Variants in LARP1 observed in about 807,000 individuals in gnomAD.
LARP1 encodes the protein La ribonucleoprotein 1, translational regulator.
In LARP1, 36 loss-of-function variants were observed where a neutral mutation model predicts 122.7. That is an observed-to-expected ratio of 0.29 (90% CI 0.22 to 0.39). The LOEUF (loss-of-function observed/expected upper bound fraction) is 0.39, where lower values mean the gene tolerates loss of function less well. Ranked by LOEUF, LARP1 falls within the 10% of genes least tolerant of loss-of-function variation. LARP1 has a pLI of 1.00. For synonymous variants in LARP1, 539 were observed against 528.7 expected (o/e 1.02, Z -0.27); for missense variants, 1,040 against 1,403.6 (o/e 0.74, Z 4.14).
At chr5:154,771,492 G>A (rs895499152) in intron 1 of LARP1, among the ~76,000 whole-genome samples, 1 of 152,200 alleles carries the variant, frequency 6.6e-6, no homozygotes, top group Non-Finnish European at 1.5e-5. Flanking sequence ...TTGAGCCCAT[G>A]GCAGACTGAC....
Position 154,792,781 on chromosome 5 carries a change from G to A in LARP1, c.724G>A (p.Gly242Arg), listed in dbSNP as rs1757443376. Residue 242 changes from glycine to arginine, a missense_variant, in exon 4 of 19, where the codon GGG (glycine) becomes AGG (arginine). By Grantham distance (125) the Gly-to-Arg change is moderately radical. Transcript: ENST00000518297. Reference sequence around the variant, plus strand: ...TGGAGATGAGGATTGCCAGCGAGGCGGGCAGAAGAAGAAAGGTGAGTGACT... The same window carrying A: ...TGGAGATGAGGATTGCCAGCGAGGCAGGCAGAAGAAGAAAGGTGAGTGACT... ...KNGDEDCQRG[G>R]QKKKGNKHKW... The A allele has an allele frequency of 2.5e-6, 4 of 1,614,004 alleles. No individual in the cohort carries two copies. The highest frequency in any genetic ancestry group is 2.2e-5 in the East Asian group (1 of 44,874).
intron 1 of LARP1, among the ~76,000 whole-genome samples, chr5:154,714,251 C>T (rs529974376): frequency 2.6e-5 from 4 of 152,206 alleles, no homozygotes; most frequent in South Asian, 4.1e-4. Context: ...TTGTAAAATG[C>T]GGCCTCTGTA....
At chr5:154,746,434 T>C (rs2113487493) in intron 1 of LARP1, among the ~76,000 whole-genome samples, 1 of 152,358 alleles carries the variant, frequency 6.6e-6, no homozygotes, top group East Asian at 1.9e-4. Flanking sequence ...TTCTTGACCA[T>C]GGAATGCTTA....
At chr5:154,733,202 AAG>A (rs1345284178) in intron 1 of LARP1, among the ~76,000 whole-genome samples, 3 of 152,210 alleles carry the variant, frequency 2.0e-5, no homozygotes, top group African/African-American at 4.8e-5. Flanking sequence ...TGACCAATTT[AAG>A]TAACACATAC....
chr5:154,796,225 A>G (rs1053539127), intron 8 of LARP1, among the ~76,000 whole-genome samples: 1 of 140,114 alleles, frequency 7.1e-6, no homozygotes, highest in Non-Finnish European at 1.5e-5. Context: ...CAGAATCCAA[A>G]TAATACCTAT....
At chr5:154,709,861 G>A (rs1755132179), upstream of LARP1, among the ~76,000 whole-genome samples, 1 of 151,992 alleles carries the variant, frequency 6.6e-6, no homozygotes, top group Non-Finnish European at 1.5e-5. Context: ...ATTTATTATG[G>A]TCTCTGTGCA....
At chr5:154,733,555 T>G (rs1360228072) in intron 1 of LARP1, among the ~76,000 whole-genome samples, 1 of 106,148 alleles carries the variant, frequency 9.4e-6, no homozygotes, top group African/African-American at 3.7e-5. Context: ...TTCTTTTATC[T>G]TTTCTTTCTT....
At chr5:154,777,916 A>G (rs1054183728) in intron 1 of LARP1, among the ~76,000 whole-genome samples, 20 of 152,178 alleles carry the variant, frequency 1.3e-4, no homozygotes, top group Admixed American at 1.3e-3. Context: ...CAACTGTCAT[A>G]TTTGTGGATG....
intron 1 of LARP1, among the ~76,000 whole-genome samples, chr5:154,693,805 G>A (rs60444929): frequency 6.6e-6 from 1 of 150,392 alleles, no homozygotes; most frequent in African/African-American, 2.5e-5. Flanking sequence ...GCAGTGAGCC[G>A]AGATCGCGCC....
In LARP1 at chr5:154,804,224, A is replaced by G; in HGVS notation, c.2463A>G (p.Arg821=). Residue 821 remains arginine (R), a synonymous_variant, in exon 14 of 19, where the codon AGA becomes AGG. Transcript: ENST00000518297. ...DAKMPRKRKT[R]HSSNPPLESH... ...AGATGCCTCGAAAAAGAAAGACAAG[A>G]CACAGTTCAAACCCACCCTTGGAGA... The G allele has an allele frequency of 6.2e-7, 1 of 1,614,172 alleles. No individual in the cohort carries two copies. Among genetic ancestry groups the G allele is most frequent in the Non-Finnish European group, 8.5e-7 (1 of 1,180,002 alleles).
intron 1 of LARP1, among the ~76,000 whole-genome samples, chr5:154,758,202 C>T (rs533555860): frequency 6.6e-6 from 1 of 151,906 alleles, no homozygotes; most frequent in Non-Finnish European, 1.5e-5. Context: ...TTGTGTAAGT[C>T]CAGGAGCCCT....
chr5:154,745,794 G>GTT (rs151281976), intron 1 of LARP1, among the ~76,000 whole-genome samples: 53 of 136,102 alleles, frequency 3.9e-4, no homozygotes, highest in Non-Finnish European at 3.7e-4. Flanking sequence ...AAACCCAACT[G>GTT]TTTTTTTTTT....
chr5:154,768,304 A>G (rs1008740485), intron 1 of LARP1, among the ~76,000 whole-genome samples: 5 of 152,190 alleles, frequency 3.3e-5, no homozygotes, highest in Admixed American at 6.5e-5. Context: ...AAAGTTGTGA[A>G]TACTGTATCT....
At chr5:154,791,695 A>G (rs1582423903) in intron 3 of LARP1, among the ~76,000 whole-genome samples, 1 of 152,218 alleles carries the variant, frequency 6.6e-6, no homozygotes, top group African/African-American at 2.4e-5. Flanking sequence ...GAATCTTTGC[A>G]TACTCAAGTC....
chr5:154,742,896 C>G (rs1752977479), intron 1 of LARP1, among the ~76,000 whole-genome samples: 1 of 152,076 alleles, frequency 6.6e-6, no homozygotes, highest in Non-Finnish European at 1.5e-5. Context: ...AACTGGAAAG[C>G]AGCCCTTTTC....
In LARP1 at chr5:154,816,666, G is replaced by A. The variant is rs1197986493; in HGVS notation, c.*2570G>A. ...TGTATCTGTGACAAGCATGCCAGAA[G>A]TGGCAGGGGCCATCAGGGCTAACCA... On this transcript the variant is annotated 3_prime_UTR_variant, in exon 19 of 19. Coordinates refer to ENST00000518297, the MANE Select transcript of LARP1 (RefSeq NM_033551.3). 1 of 152,646 alleles carries A rather than the reference G, an allele frequency of 6.6e-6. No individual in the cohort carries two copies. The highest frequency in any genetic ancestry group is 1.5e-5 in the Non-Finnish European group (1 of 68,072). 9.5% of individuals were successfully genotyped at this position (152,646 alleles called of 1,614,324 possible).
chr5:154,698,483 G>A (rs771126440), intron 1 of LARP1, among the ~76,000 whole-genome samples: 66 of 152,136 alleles, frequency 4.3e-4, no homozygotes, highest in Non-Finnish European at 7.8e-4. Context: ...TGTAATCCCA[G>A]CTACTAGGGA....
chr5:154,790,524 T>A, intron 2 of LARP1, 121 bp from the exon 3 acceptor site: 3 of 1,289,724 alleles, frequency 2.3e-6, no homozygotes, highest in South Asian at 2.5e-5. Flanking sequence ...AGGTATCCAG[T>A]GTGAATGGTC....
chr5:154,698,614 T>G (rs1292892799), intron 1 of LARP1, among the ~76,000 whole-genome samples: 1 of 151,972 alleles, frequency 6.6e-6, no homozygotes, highest in Non-Finnish European at 1.5e-5. Context: ...AATAAATAAA[T>G]AAATAAAAAT....
Sources: gnomAD v4.1 joint callset for allele counts (sites outside exome capture counted in the v4.1 genomes callset) on GRCh38, gnomAD v4.1.1 for gene constraint, MANE v1.5 for transcripts, NCBI Gene and HGNC (gene_info 2026-07-23, HGNC 2026-07-21) for gene names.